The following TPGS2 variants were observed in gnomAD, a reference collection of about 807,000 sequenced individuals.
TPGS2 encodes the protein tubulin polyglutamylase complex subunit 2.
Under a neutral mutation model 31.1 loss-of-function variants are expected in TPGS2, and 26 were observed. The observed-to-expected ratio is 0.84, with a 90% CI of 0.61 to 1.16. The LOEUF is 1.16. Among genes scored for constraint, TPGS2 ranks in the 50% most tolerant of loss-of-function variants. The pLI is 0.00. For synonymous variants in TPGS2, 130 were observed against 136.6 expected (o/e 0.95, Z 0.34); for missense variants, 351 against 363.8 (o/e 0.96, Z 0.29).
At chr18:36,781,743 A>G (rs1353517233), downstream of TPGS2, 1 of 984,606 alleles carries the variant, frequency 1.0e-6, no homozygotes, top group African/African-American at 1.7e-5. Flanking sequence ...CAAAGACTAT[A>G]TTTTCCCCAT....
chr18:36,819,046 A>G, intron 1 of TPGS2, 73 bp from the exon 2 acceptor site: 1 of 1,234,248 alleles, frequency 8.1e-7, no homozygotes, highest in Non-Finnish European at 1.2e-6. Flanking sequence ...GTTGTTGACT[A>G]ACTGTTGATG....
At chr18:36,787,075 G>A in intron 6 of TPGS2, 1 of 1,232,794 alleles carries the variant, frequency 8.1e-7, no homozygotes, top group Non-Finnish European at 1.0e-6. Flanking sequence ...GATATTATAA[G>A]TTATCTGGTG....
chr18:36,790,120 A>C (rs1463280831), downstream of TPGS2: 1 of 152,240 alleles, frequency 6.6e-6, no homozygotes, highest in Non-Finnish European at 1.5e-5. Context: ...CCTAGAAGAT[A>C]CAGTCTCTCC....
chr18:36,786,753 A>C, intron 6 of TPGS2: 1 of 1,198,418 alleles, frequency 8.3e-7, no homozygotes, highest in Non-Finnish European at 1.0e-6. Context: ...TCAGTTTCTA[A>C]GGTTCTCTGG....
rs34742069 is a variant in TPGS2, at chr18:36,826,404, C to CTGTGTGTGTG, written c.85+2269_85+2278dup. Among the ~76,000 whole-genome samples, 84 of 146,444 alleles carry CTGTGTGTGTG rather than the reference C, an allele frequency of 5.7e-4. 1 individual carries two copies. The highest frequency in any genetic ancestry group is 1.6e-3 in the African/African-American group (64 of 39,294). On this transcript the variant is annotated intron_variant, in intron 1 of 6. Coordinates refer to ENST00000334295, the MANE Select transcript of TPGS2 (RefSeq NM_015476.4). ...GGATTGTTCATTGCTGGTGTATAGG[C>CTGTGTGTGTG]TGTGTGTGTGTGTGTGTGTGTGTGT...
chr18:36,794,696 A>C lies in TPGS2; in HGVS notation c.*2109T>G. 1 of 985,348 alleles carries C rather than the reference A, an allele frequency of 1.0e-6. No individual in the cohort carries two copies. Among genetic ancestry groups the C allele is most frequent in the Non-Finnish European group, 1.2e-6 (1 of 829,936 alleles). The allele number at this position is 985,348 out of a possible 1,614,324, so 61.0% of individuals were successfully genotyped here. On this transcript the variant is annotated 3_prime_UTR_variant, in exon 7 of 7. Transcript: ENST00000334295. Reference sequence around the variant, plus strand: ...TAAACTCCAGCTATTGTCCTCAACAACTTGGTCTCTCTATATCCTTTTCTG... The same window carrying C: ...TAAACTCCAGCTATTGTCCTCAACACCTTGGTCTCTCTATATCCTTTTCTG...
At chr18:36,822,455 G>T (rs926262145) in intron 1 of TPGS2, among the ~76,000 whole-genome samples, 2 of 152,164 alleles carry the variant, frequency 1.3e-5, no homozygotes, top group African/African-American at 4.8e-5. Flanking sequence ...AAGTGTGGGT[G>T]GTTGTGGGAT....
At position 36,796,801 on chromosome 18, in the gene TPGS2, G is replaced by T; in HGVS notation, c.*4C>A. On this transcript the variant is annotated 3_prime_UTR_variant, in exon 7 of 7. Coordinates refer to ENST00000334295, the MANE Select transcript of TPGS2 (RefSeq NM_015476.4). ...AGCTGGTAGGGAGTTGGAGGGAGGG[G>T]TGCTCACTTCCGGGTGGGGTTTCCA... 1.3e-6 allele frequency: 2 copies of T among 1,593,428 alleles called. No homozygotes were observed. The highest frequency in any genetic ancestry group is 1.2e-5 in the South Asian group (1 of 86,496).
intron 4 of TPGS2, among the ~76,000 whole-genome samples, chr18:36,801,857 T>A (rs1054297940): frequency 6.6e-6 from 1 of 152,228 alleles, no homozygotes; most frequent in East Asian, 1.9e-4. Flanking sequence ...GGATTTATAG[T>A]TCCCATGATT....
intron 3 of TPGS2, among the ~76,000 whole-genome samples, 173 bp from the exon 4 acceptor site, chr18:36,805,675 C>G (rs1046589889): frequency 6.6e-6 from 1 of 152,108 alleles, no homozygotes; most frequent in Admixed American, 6.5e-5. Context: ...AAAGTACCAA[C>G]CTTTCATACA....
intron 4 of TPGS2, 113 bp from the exon 5 acceptor site, chr18:36,800,424 A>G: frequency 1.2e-6 from 1 of 830,848 alleles, no homozygotes; most frequent in Non-Finnish European, 2.0e-6. Flanking sequence ...TATCTCAGAC[A>G]TATACTTAAG....
intron 1 of TPGS2, among the ~76,000 whole-genome samples, chr18:36,826,765 G>C (rs1316112045): frequency 1.3e-5 from 2 of 152,166 alleles, no homozygotes; most frequent in African/African-American, 4.8e-5. Context: ...AATCTGGTGT[G>C]ATCTTGGGGA....
At chr18:36,810,640 T>C (rs1247400402) in intron 2 of TPGS2, among the ~76,000 whole-genome samples, 1 of 152,114 alleles carries the variant, frequency 6.6e-6, no homozygotes, top group Admixed American at 6.5e-5. Context: ...TAACAGCTGA[T>C]TGCATCAAGA....
At chr18:36,818,642 T>C in intron 2 of TPGS2, 1 of 415,362 alleles carries the variant, frequency 2.4e-6, no homozygotes, top group Non-Finnish European at 4.3e-6. Flanking sequence ...TTTAGCTTTG[T>C]TGTACACAAC....
At chr18:36,801,883 C>T (rs1426252032) in intron 4 of TPGS2, among the ~76,000 whole-genome samples, 1 of 152,116 alleles carries the variant, frequency 6.6e-6, no homozygotes, top group Admixed American at 6.6e-5. Context: ...ACTTTTGAGC[C>T]GTTATTTCTT....
chr18:36,828,773 G>T lies in TPGS2; in HGVS notation c.-6C>A, dbSNP rs372716752. 220 of 1,612,788 alleles carry T rather than the reference G, an allele frequency of 1.4e-4. No homozygotes were observed. In the Middle Eastern group the frequency reaches 1.5e-3, roughly 11 times the overall value. On this transcript the variant is annotated 5_prime_UTR_variant, in exon 1 of 7. Coordinates refer to ENST00000334295, the MANE Select transcript of TPGS2 (RefSeq NM_015476.4). The stretch of plus-strand genomic sequence containing the variant: ...GACGATGCCTCCTCCTCCATGGCTC[G>T]CGACCGCGATTCGCGCGCGGCGGGA...
At position 36,818,852 on chromosome 18, in the gene TPGS2, C is replaced by T. The variant is rs566116530; in HGVS notation, c.165+42G>A. 2.6e-6 allele frequency: 4 copies of T among 1,557,658 alleles called. No homozygotes were observed. The African/African-American group carries it at 5.4e-5, about 21-fold the overall frequency. Reference sequence around the variant, plus strand: ...TCCTTCTCAGGGACATTTACACTGACCTCTCTTTGATGGGAGGTAGAGTTC... The same window carrying T: ...TCCTTCTCAGGGACATTTACACTGATCTCTCTTTGATGGGAGGTAGAGTTC... On this transcript the variant is annotated intron_variant, in intron 2 of 6. Coordinates refer to ENST00000334295, the MANE Select transcript of TPGS2 (RefSeq NM_015476.4).
intron 1 of TPGS2, 118 bp downstream of exon 1, chr18:36,828,565 G>A: frequency 9.0e-7 from 1 of 1,111,424 alleles, no homozygotes; most frequent in Non-Finnish European, 1.3e-6. Context: ...GGAAGTCCCA[G>A]CAGCGATGTC....
intron 2 of TPGS2, among the ~76,000 whole-genome samples, chr18:36,809,243 G>A (rs1383249757): frequency 6.6e-6 from 1 of 152,126 alleles, no homozygotes; most frequent in Non-Finnish European, 1.5e-5. Flanking sequence ...CAGTACGAGG[G>A]GGTGTGAGTT....
Sources: allele counts gnomAD v4.1 joint callset (sites outside exome capture counted in the v4.1 genomes callset), GRCh38; gene constraint gnomAD v4.1.1; transcripts MANE v1.5; gene names NCBI Gene and HGNC (gene_info 2026-07-23, HGNC 2026-07-21).